Variants in ESR1 observed in about 807,000 individuals in gnomAD.
ESR1 encodes the protein estrogen receptor.
In ESR1, 12 loss-of-function variants were observed where a neutral mutation model predicts 52.7. That is an observed-to-expected ratio of 0.23 (90% CI 0.15 to 0.37). The LOEUF (loss-of-function observed/expected upper bound fraction) is 0.37, where lower values mean the gene tolerates loss of function less well. Ranked by LOEUF, ESR1 falls within the 10% of genes least tolerant of loss-of-function variation. The pLI, the probability that ESR1 is intolerant of heterozygous loss-of-function variation, is 1.00. For missense variants in ESR1, 584 were observed against 779.7 expected (o/e 0.75, Z 2.99); for synonymous variants, 305 against 316.8 (o/e 0.96, Z 0.39).
intron 4 of ESR1, among the ~76,000 whole-genome samples, chr6:151,954,623 T>G (rs1223865329): frequency 6.6e-6 from 1 of 152,222 alleles, no homozygotes; most frequent in Admixed American, 6.5e-5. Context: ...ATCATAACAT[T>G]TGATTCCTTT....
chr6:152,036,219 G>A (rs1221199756), intron 5 of ESR1, among the ~76,000 whole-genome samples: 1 of 152,146 alleles, frequency 6.6e-6, no homozygotes, highest in Non-Finnish European at 1.5e-5. Flanking sequence ...AATTAGCTGG[G>A]CGTGGTGGCG....
chr6:152,113,828 C>T (rs1427132430), intron 6 of ESR1, among the ~76,000 whole-genome samples: 1 of 151,998 alleles, frequency 6.6e-6, no homozygotes, highest in African/African-American at 2.4e-5. Flanking sequence ...GCAGGAGGCA[C>T]CATTATTATC....
chr6:152,102,156 C>A lies in ESR1; in HGVS notation c.*3190C>A, dbSNP rs775503437. ...AACCTTGCAGATATGTTTAACCAAGCCATAGCCCATGCCTTTTGAGGGCTG... is the reference window on the plus strand; with the variant it reads ...AACCTTGCAGATATGTTTAACCAAGACATAGCCCATGCCTTTTGAGGGCTG... On this transcript the variant is annotated 3_prime_UTR_variant, in exon 8 of 8. Coordinates refer to ENST00000206249, the MANE Select transcript of ESR1 (RefSeq NM_000125.4). 4.8e-6 allele frequency: 1 copy of A among 209,428 alleles called. No individual in the cohort carries two copies. The highest frequency in any genetic ancestry group is 2.3e-5 in the African/African-American group (1 of 43,976). The allele number at this position is 209,428 out of a possible 1,614,324, so 13.0% of individuals were successfully genotyped here.
At chr6:151,898,767 AG>A (rs1422055799) in intron 3 of ESR1, among the ~76,000 whole-genome samples, 1 of 152,218 alleles carries the variant, frequency 6.6e-6, no homozygotes, top group African/African-American at 2.4e-5. Flanking sequence ...TTCTTAGTAC[AG>A]AACAAAATGA....
chr6:152,099,541 A>G lies in ESR1; in HGVS notation c.*575A>G, dbSNP rs976096832. 5 of 244,000 alleles carry G rather than the reference A, an allele frequency of 2.0e-5. No homozygotes were observed. The East Asian group carries it at 2.3e-4, about 11-fold the overall frequency. 15.1% of individuals were successfully genotyped at this position (244,000 alleles called of 1,614,324 possible). A position where few individuals can be genotyped will look rare whatever the true frequency, so the allele number is the denominator to read the frequency against. Reference sequence around the variant, plus strand: ...GTAGCAGAGTATCTGGTGATTGTCAATTCATTCCCCCTATAGGAATACAAG... The same window carrying G: ...GTAGCAGAGTATCTGGTGATTGTCAGTTCATTCCCCCTATAGGAATACAAG... On this transcript the variant is annotated 3_prime_UTR_variant, in exon 8 of 8. Transcript: ENST00000206249.
At position 151,685,107 on chromosome 6, in the gene ESR1, C is replaced by CTTTTTTTTTTTTT. The variant is rs772122906; in HGVS notation, n.74-16743_74-16731dup. 6.9e-5 allele frequency among the ~76,000 whole-genome samples: 5 copies of CTTTTTTTTTTTTT among 72,950 alleles called. 1 individual carries two copies. Among genetic ancestry groups the CTTTTTTTTTTTTT allele is most frequent in the Non-Finnish European group, 1.3e-4 (5 of 39,730 alleles). 47.9% of individuals were successfully genotyped at this position (72,950 alleles called of 152,430 possible). A position where few individuals can be genotyped will look rare whatever the true frequency, so the allele number is the denominator to read the frequency against. ...TATCATTTTTGTCTGACACTGGCCT[C>CTTTTTTTTTTTTT]TTTTTTTTTTTTTTTTTTTTTTTTT... On this transcript the variant is annotated intron_variant and non_coding_transcript_variant, in intron 1 of 2. Transcript: ENST00000473497.
intron 4 of ESR1, among the ~76,000 whole-genome samples, chr6:151,996,835 C>A (rs1289215365): frequency 6.6e-6 from 1 of 152,000 alleles, no homozygotes; most frequent in Non-Finnish European, 1.5e-5. Context: ...TTTAACTGAG[C>A]AAATCCATAA....
intron 2 of ESR1, among the ~76,000 whole-genome samples, chr6:151,764,753 C>A (rs1784917718): frequency 1.3e-5 from 2 of 152,206 alleles, no homozygotes; most frequent in African/African-American, 4.8e-5. Flanking sequence ...ATCATTTCCT[C>A]TAAAAATTAT....
At chr6:151,934,162 C>G (rs138813236) in intron 3 of ESR1, among the ~76,000 whole-genome samples, 1 of 152,174 alleles carries the variant, frequency 6.6e-6, no homozygotes, top group Non-Finnish European at 1.5e-5. Flanking sequence ...CCTTTGAACC[C>G]GTTTCCTTCC....
chr6:151,919,983 C>T (rs1465429366), intron 3 of ESR1, among the ~76,000 whole-genome samples: 3 of 152,144 alleles, frequency 2.0e-5, no homozygotes, highest in African/African-American at 7.2e-5. Context: ...TACCCAATTA[C>T]CAAAGCTTAT....
chr6:151,718,367 A>G (rs1781209052), intron 2 of ESR1, among the ~76,000 whole-genome samples: 1 of 152,224 alleles, frequency 6.6e-6, no homozygotes, highest in South Asian at 2.1e-4. Context: ...CAGCACAGGC[A>G]CAGAGACTAA....
chr6:151,670,121 C>G (rs1051333900), intron 1 of ESR1, among the ~76,000 whole-genome samples: 4 of 152,200 alleles, frequency 2.6e-5, no homozygotes, highest in Admixed American at 2.0e-4. Context: ...CATTCTCCCC[C>G]GCTGCCATTT....
At chr6:151,985,540 C>CAAAAAAAAAAAAA (rs556588370) in intron 4 of ESR1, among the ~76,000 whole-genome samples, 1 of 81,110 alleles carries the variant, frequency 1.2e-5, no homozygotes, top group African/African-American at 5.1e-5. Context: ...AAAACACAAA[C>CAAAAAAAAAAAAA]AAAAAAAAAA....
At chr6:151,794,256 C>T (rs891392309) in intron 2 of ESR1, among the ~76,000 whole-genome samples, 4 of 152,102 alleles carry the variant, frequency 2.6e-5, no homozygotes, top group African/African-American at 9.6e-5. Flanking sequence ...TTATTGGAGT[C>T]CAAATGGGTT....
intron 1 of ESR1, among the ~76,000 whole-genome samples, chr6:151,811,951 T>C (rs2128167766): frequency 6.6e-6 from 1 of 152,314 alleles, no homozygotes; most frequent in South Asian, 2.1e-4. Context: ...CTCACACTCA[T>C]TTAATTTGGA....
At chr6:151,850,460 A>G (rs1236849568) in intron 2 of ESR1, among the ~76,000 whole-genome samples, 2 of 150,916 alleles carry the variant, frequency 1.3e-5, no homozygotes, top group East Asian at 3.9e-4. Flanking sequence ...AGAGAGAAGG[A>G]GAAAGAAAGA....
intron 1 of ESR1, among the ~76,000 whole-genome samples, chr6:151,815,824 G>T (rs190501304): frequency 6.6e-6 from 1 of 152,184 alleles, no homozygotes; most frequent in African/African-American, 2.4e-5. Context: ...GCTGAGCAAG[G>T]CTCACTTCTC....
intron 1 of ESR1, among the ~76,000 whole-genome samples, chr6:151,826,081 G>A (rs565778982): frequency 6.6e-6 from 1 of 152,008 alleles, no homozygotes; most frequent in Non-Finnish European, 1.5e-5. Context: ...GCGGGGAGGG[G>A]GGTGGCGGGG....
chr6:151,687,803 T>C (rs939257555), upstream of ESR1, among the ~76,000 whole-genome samples: 40 of 152,356 alleles, frequency 2.6e-4, no homozygotes, highest in African/African-American at 9.6e-4. Flanking sequence ...GGAATGTGTG[T>C]TGACCCTCTT....
Sources: allele counts gnomAD v4.1 joint callset (sites outside exome capture counted in the v4.1 genomes callset), GRCh38; gene constraint gnomAD v4.1.1; transcripts MANE v1.5; gene names NCBI Gene and HGNC (gene_info 2026-07-23, HGNC 2026-07-21).